The following GART variants were observed in gnomAD, a reference collection of about 807,000 sequenced individuals.
GART encodes the protein phosphoribosylglycinamide formyltransferase, phosphoribosylglycinamide synthetase, phosphoribosylaminoimidazole synthetase, also known as trifunctional purine biosynthetic protein adenosine-3.
A neutral mutation model predicts 107.2 loss-of-function variants in GART; 43 were observed. The ratio of observed to expected loss-of-function variants is 0.40; its 90% CI spans 0.31 to 0.52. The LOEUF (loss-of-function observed/expected upper bound fraction) is 0.52. Among genes scored for constraint, GART ranks in the 20% least tolerant of loss-of-function variants. The pLI is 0.52. For synonymous variants in GART, 434 were observed against 427.0 expected (o/e 1.02, Z -0.20); for missense variants, 1,107 against 1,206.5 (o/e 0.92, Z 1.22).
Position 33,504,318 on chromosome 21 carries a change from G to A in GART, c.2842-3C>T, listed in dbSNP as rs2084642193. On this transcript the variant is annotated splice_polypyrimidine_tract_variant and splice_region_variant and intron_variant, in intron 21 of 21. Coordinates refer to ENST00000381815, the MANE Select transcript of GART (RefSeq NM_000819.5). ...ATCTGTCCAGCATCCACATCTTCCT[G>A]GAAAAGTAAGCAAAAGTTTTGAACA... 2.5e-6 allele frequency: 4 copies of A among 1,612,676 alleles called. No individual in the cohort carries two copies. Among genetic ancestry groups the A allele is most frequent in the East Asian group, 4.5e-5 (2 of 44,846 alleles).
At chr21:33,511,488 T>C (rs763498007) in intron 16 of GART, 30 bp from the exon 17 acceptor site, 2 of 1,599,220 alleles carry the variant, frequency 1.3e-6, no homozygotes, top group Non-Finnish European at 1.7e-6. Context: ...ATTGTTTGAT[T>C]TTCCTACCTT....
intron 5 of GART, 95 bp downstream of exon 5, chr21:33,532,250 A>G: frequency 2.4e-6 from 2 of 828,690 alleles, no homozygotes; most frequent in Non-Finnish European, 2.0e-6. Flanking sequence ...TTTGCAAAAT[A>G]GATTTTCCTT....
At chr21:33,536,800 CG>C (rs1308833961) in intron 2 of GART, among the ~76,000 whole-genome samples, 8 of 152,198 alleles carry the variant, frequency 5.3e-5, no homozygotes, top group Non-Finnish European at 5.9e-5. Flanking sequence ...AAAAGATTCA[CG>C]TCTCAGGTTG....
At chr21:33,516,645 C>A (rs557884498) in intron 16 of GART, among the ~76,000 whole-genome samples, 1 of 152,158 alleles carries the variant, frequency 6.6e-6, no homozygotes, top group Admixed American at 6.6e-5. Context: ...GGTTTAGGTC[C>A]TTTTATCTCG....
At chr21:33,542,874 C>A, upstream of GART, 1 of 592,440 alleles carries the variant, frequency 1.7e-6, no homozygotes, top group South Asian at 2.0e-5. Context: ...TCGTGCGCGG[C>A]GCAAACGTCA....
chr21:33,511,301 C>G lies in GART; in HGVS notation c.2265G>C (p.Gln755His). The change falls in exon 17 of 22, where the codon CAG becomes CAC. Residue 755 changes from glutamine to histidine, a missense_variant. Gln to His is a conservative substitution (Grantham distance 24, BLOSUM62 0). Transcript: ENST00000381815. ...CAATCACCCAGGCTTCTTCCTTGTGCTGCTGGATATCCCTCAGAATCTGCT... is the reference window on the plus strand; with the variant it reads ...CAATCACCCAGGCTTCTTCCTTGTGGTGCTGGATATCCCTCAGAATCTGCT... ...QTEQILRDIQ[Q>H]HKEEAWVIGS... 6.2e-7 allele frequency: 1 copy of G among 1,614,170 alleles called. No individual in the cohort carries two copies.
chr21:33,540,271 T>C (rs946779779), intron 1 of GART, among the ~76,000 whole-genome samples: 1 of 152,214 alleles, frequency 6.6e-6, no homozygotes, highest in Non-Finnish European at 1.5e-5. Flanking sequence ...GTACTTTAAG[T>C]AGCAGGAAAC....
At chr21:33,521,631 C>CAAAA (rs571421187) in intron 12 of GART, among the ~76,000 whole-genome samples, 1 of 54,424 alleles carries the variant, frequency 1.8e-5, no homozygotes, top group Admixed American at 2.2e-4. Context: ...GACTTTGTCT[C>CAAAA]AAAAAAAAAA....
intron 18 of GART, 111 bp downstream of exon 18, chr21:33,509,672 T>A (rs919522584): frequency 4.7e-6 from 5 of 1,053,510 alleles, no homozygotes; most frequent in Non-Finnish European, 6.7e-6. Flanking sequence ...CCCTCATGAT[T>A]CCCCCCAGTC....
chr21:33,541,210 T>G (rs1010926335), intron 1 of GART, among the ~76,000 whole-genome samples: 1 of 152,230 alleles, frequency 6.6e-6, no homozygotes, highest in Non-Finnish European at 1.5e-5. Flanking sequence ...AGTGGTGTGA[T>G]CTCAGCTCAC....
intron 16 of GART, among the ~76,000 whole-genome samples, chr21:33,514,331 C>G (rs1485365474): frequency 6.6e-6 from 1 of 152,126 alleles, no homozygotes; most frequent in Non-Finnish European, 1.5e-5. Context: ...AAGTATGATT[C>G]CTGGAAGAAA....
chr21:33,520,898 C>CTTTAGTTTAGTT lies in GART; in HGVS notation c.1503+7_1503+8insAACTAAACTAAA, dbSNP rs1238497931. On this transcript the variant is annotated splice_region_variant and intron_variant, in intron 13 of 21. Coordinates refer to ENST00000381815, the MANE Select transcript of GART (RefSeq NM_000819.5). ...AAAAGGCCTTTATTCACAAAGGTGTCTGATTACCTTTAGTTTAGTTCCAAC... is the reference window on the plus strand; with the variant it reads ...AAAAGGCCTTTATTCACAAAGGTGTCTTTAGTTTAGTTTGATTACCTTTAGTTTAGTTCCAAC... 3 of 1,576,032 alleles carry CTTTAGTTTAGTT rather than the reference C, an allele frequency of 1.9e-6. No individual in the cohort carries two copies. The Admixed American group carries it at 5.4e-5, about 28-fold the overall frequency.
In GART at chr21:33,515,352, A is replaced by G. The variant is rs956104814; in HGVS notation, c.2107+1637T>C. The stretch of plus-strand genomic sequence containing the variant: ...CTGACTTTATTTTACAAAAACAAGG[A>G]AGGGAGGGGCTGGGCACAGTGGCTC... On this transcript the variant is annotated intron_variant, in intron 16 of 21. Coordinates refer to ENST00000381815, the MANE Select transcript of GART (RefSeq NM_000819.5). Among the ~76,000 whole-genome samples, 35 of 152,294 alleles carry G rather than the reference A, an allele frequency of 2.3e-4. 2 individuals carry two copies. The highest frequency in any genetic ancestry group is 2.0e-3 in the Admixed American group (30 of 15,278).
At chr21:33,513,812 G>A (rs929943870) in intron 16 of GART, among the ~76,000 whole-genome samples, 8 of 152,206 alleles carry the variant, frequency 5.3e-5, no homozygotes, top group African/African-American at 1.9e-4. Context: ...AGATAGTGAT[G>A]ACATATTTAA....
intron 15 of GART, 77 bp downstream of exon 15, chr21:33,517,280 A>C: frequency 1.3e-6 from 2 of 1,582,766 alleles, no homozygotes; most frequent in Non-Finnish European, 8.6e-7. Flanking sequence ...TTTAGCTCTA[A>C]GTAATCAGAG....
At chr21:33,540,988 A>T (rs1318113079) in intron 1 of GART, among the ~76,000 whole-genome samples, 2 of 152,044 alleles carry the variant, frequency 1.3e-5, no homozygotes, top group Non-Finnish European at 2.9e-5. Context: ...TTTGCTTCAG[A>T]TTCTCTCAAC....
At chr21:33,513,620 T>C (rs2084829077) in intron 16 of GART, among the ~76,000 whole-genome samples, 1 of 152,128 alleles carries the variant, frequency 6.6e-6, no homozygotes. Flanking sequence ...CTATGACTCT[T>C]AGATTCAATT....
At chr21:33,530,611 A>C (rs1182317840) in intron 7 of GART, 148 bp downstream of exon 7, 1 of 825,210 alleles carries the variant, frequency 1.2e-6, no homozygotes, top group South Asian at 5.3e-5. Context: ...TAGAGACCAG[A>C]AAAGATACTC....
intron 14 of GART, 56 bp downstream of exon 14, chr21:33,520,308 G>T: frequency 6.6e-7 from 1 of 1,513,352 alleles, no homozygotes; most frequent in South Asian, 1.1e-5. Flanking sequence ...TTTTTACATA[G>T]GGCTAAAACA....
Sources: gnomAD v4.1 joint callset for allele counts (sites outside exome capture counted in the v4.1 genomes callset) on GRCh38, gnomAD v4.1.1 for gene constraint, MANE v1.5 for transcripts, NCBI Gene and HGNC (gene_info 2026-07-23, HGNC 2026-07-21) for gene names.